DLGAP2: variants seen among roughly 807,000 people sequenced by gnomAD.
DLGAP2 encodes DLG associated protein 2.
Under a neutral mutation model 100.3 loss-of-function variants are expected in DLGAP2, and 26 were observed. The observed-to-expected ratio is 0.26, with a 90% CI of 0.19 to 0.36. DLGAP2 has a LOEUF of 0.36. DLGAP2 is among the 10% of genes least tolerant of loss of function. The pLI is 1.00. For missense variants in DLGAP2, 1,858 were observed against 1,453.2 expected (o/e 1.28, Z -4.53); for synonymous variants, 886 against 630.1 (o/e 1.41, Z -6.08).
chr8:853,385 C>T (rs1272418353), intron 1 of DLGAP2, among the ~76,000 whole-genome samples: 2 of 152,222 alleles, frequency 1.3e-5, no homozygotes, highest in African/African-American at 4.8e-5. Context: ...AGACACGGTG[C>T]CCAGGGTTGT....
At chr8:1,057,289 T>C (rs1286073259) in intron 2 of DLGAP2, among the ~76,000 whole-genome samples, 2 of 152,222 alleles carry the variant, frequency 1.3e-5, no homozygotes, top group Non-Finnish European at 2.9e-5. Flanking sequence ...ATTACCTACA[T>C]TGAAGTTAGC....
In DLGAP2 at chr8:1,097,630, C is replaced by T. The variant is rs6986501; in HGVS notation, c.74-161221C>T. ...CCTCCAGTGTGAGACCCAGCTCCCT[C>T]TGCTCAGGAGAGTCGAGCTGGGAGC... On this transcript the variant is annotated intron_variant, in intron 2 of 14. Transcript: ENST00000637795. Among the ~76,000 whole-genome samples, 74 of 104,132 alleles carry T rather than the reference C, an allele frequency of 7.1e-4. 7 individuals carry two copies. Among genetic ancestry groups the T allele is most frequent in the African/African-American group, 2.8e-3 (71 of 25,456 alleles). 68.3% of individuals were successfully genotyped at this position (104,132 alleles called of 152,430 possible). A position where few individuals can be genotyped will look rare whatever the true frequency, so the allele number is the denominator to read the frequency against.
At chr8:790,638 C>G (rs1218024554) in intron 1 of DLGAP2, among the ~76,000 whole-genome samples, 4 of 152,214 alleles carry the variant, frequency 2.6e-5, no homozygotes, top group East Asian at 3.9e-4. Context: ...AATATTTGGT[C>G]TATGCTGACA....
intron 2 of DLGAP2, among the ~76,000 whole-genome samples, chr8:1,199,522 C>A (rs765550330): frequency 1.3e-5 from 2 of 152,288 alleles, no homozygotes; most frequent in Non-Finnish European, 2.9e-5. Context: ...GTCTGGATCA[C>A]AGCACAGCTA....
intron 4 of DLGAP2, among the ~76,000 whole-genome samples, chr8:1,515,445 C>T (rs1024292761): frequency 1.3e-5 from 2 of 150,392 alleles, no homozygotes; most frequent in East Asian, 1.9e-4. Context: ...TGCACACACA[C>T]GTGCAGACAT....
intron 2 of DLGAP2, among the ~76,000 whole-genome samples, chr8:1,155,830 G>A (rs951230922): frequency 1.3e-5 from 2 of 152,214 alleles, no homozygotes; most frequent in African/African-American, 2.4e-5. Flanking sequence ...ACACGATCTC[G>A]AGTGGGCGAG....
intron 2 of DLGAP2, among the ~76,000 whole-genome samples, chr8:1,042,789 G>A (rs1187486175): frequency 7.3e-6 from 1 of 137,798 alleles, no homozygotes; most frequent in Admixed American, 7.2e-5. Context: ...GTGGGTGGTG[G>A]GTGTGGGTGG....
At chr8:1,491,092 A>AAAAAAAAAC (rs55769139) in intron 3 of DLGAP2, among the ~76,000 whole-genome samples, 1 of 139,710 alleles carries the variant, frequency 7.2e-6, no homozygotes, top group East Asian at 2.0e-4. Flanking sequence ...AAAAAAAAAA[A>AAAAAAAAAC]CCCAAAAATA....
intron 3 of DLGAP2, among the ~76,000 whole-genome samples, chr8:1,350,664 C>T (rs1585287756): frequency 9.4e-6 from 1 of 106,152 alleles, no homozygotes; most frequent in African/African-American, 3.8e-5. Flanking sequence ...GTGGAAAGGC[C>T]GTGCGGGTCC....
intron 3 of DLGAP2, among the ~76,000 whole-genome samples, chr8:1,367,643 G>A (rs773755123): frequency 3.9e-5 from 6 of 152,200 alleles, no homozygotes; most frequent in Admixed American, 6.5e-5. Context: ...ATTTTGGAAG[G>A]TAATTGTGGT....
At chr8:1,689,968 C>T (rs376895840) in intron 12 of DLGAP2, among the ~76,000 whole-genome samples, 2 of 152,202 alleles carry the variant, frequency 1.3e-5, no homozygotes, top group African/African-American at 4.8e-5. Context: ...AAATGGGTTC[C>T]AGTCGATTCC....
intron 14 of DLGAP2, among the ~76,000 whole-genome samples, chr8:1,699,194 C>T (rs553630946): frequency 2.0e-5 from 3 of 152,272 alleles, no homozygotes; most frequent in South Asian, 2.1e-4. Flanking sequence ...ACCCAAGCTG[C>T]GCATAGAGTA....
intron 3 of DLGAP2, among the ~76,000 whole-genome samples, chr8:1,343,756 C>G (rs1399439895): frequency 6.6e-6 from 1 of 151,932 alleles, no homozygotes; most frequent in Non-Finnish European, 1.5e-5. Flanking sequence ...GAACGGAGGC[C>G]TCTCCAAGAG....
At chr8:1,215,409 T>A (rs1798194346) in intron 2 of DLGAP2, among the ~76,000 whole-genome samples, 1 of 152,040 alleles carries the variant, frequency 6.6e-6, no homozygotes, top group African/African-American at 2.4e-5. Context: ...TTCATTAGGG[T>A]GCATCACCTG....
At chr8:1,220,819 C>A (rs1023227381) in intron 2 of DLGAP2, among the ~76,000 whole-genome samples, 8 of 152,062 alleles carry the variant, frequency 5.3e-5, no homozygotes, top group African/African-American at 1.9e-4. Flanking sequence ...TTTTGTTAAG[C>A]CTTCTTGTTG....
intron 8 of DLGAP2, among the ~76,000 whole-genome samples, chr8:1,647,488 CAAAAAAAAA>C (rs567451595): frequency 8.9e-5 from 4 of 44,962 alleles, no homozygotes; most frequent in East Asian, 1.2e-3. Flanking sequence ...GACTCTGTCT[CAAAAAAAAA>C]AAAAAAAAAA....
At chr8:775,296 G>C (rs1193363027) in intron 1 of DLGAP2, among the ~76,000 whole-genome samples, 1 of 151,976 alleles carries the variant, frequency 6.6e-6, no homozygotes, top group Non-Finnish European at 1.5e-5. Context: ...CGTCTGCAAA[G>C]AGGGACAATT....
chr8:1,260,608 A>G (rs570237248), intron 3 of DLGAP2, among the ~76,000 whole-genome samples: 1 of 150,604 alleles, frequency 6.6e-6, no homozygotes, highest in African/African-American at 2.4e-5. Flanking sequence ...ATATTGGATG[A>G]TTTCTGGGGA....
At chr8:1,285,391 C>A (rs987694319) in intron 3 of DLGAP2, among the ~76,000 whole-genome samples, 2 of 152,088 alleles carry the variant, frequency 1.3e-5, no homozygotes, top group Non-Finnish European at 2.9e-5. Context: ...AAGACACTAA[C>A]AAATGAAAAT....
Sources: allele counts gnomAD v4.1 joint callset (sites outside exome capture counted in the v4.1 genomes callset), GRCh38; gene constraint gnomAD v4.1.1; transcripts MANE v1.5; gene names NCBI Gene and HGNC (gene_info 2026-07-23, HGNC 2026-07-21).